TSHZ2: variants seen among roughly 807,000 people sequenced by gnomAD.
TSHZ2 encodes teashirt homolog 2.
TSHZ2 carries 21 observed loss-of-function variants against 74.4 expected under a neutral mutation model. The observed-to-expected ratio is 0.28, with a 90% CI of 0.20 to 0.41. The LOEUF (loss-of-function observed/expected upper bound fraction) is 0.41. TSHZ2 is among the 10% of genes least tolerant of loss of function. The pLI is 1.00. For missense variants in TSHZ2, 1,244 were observed against 1,293.5 expected, an observed-to-expected ratio of 0.96 and a Z score of 0.59; for synonymous variants, 540 against 515.3, an observed-to-expected ratio of 1.05 and a Z score of -0.65.
At chr20:53,110,149 G>T (rs1385107508) in intron 1 of TSHZ2, among the ~76,000 whole-genome samples, 1 of 151,942 alleles carries the variant, frequency 6.6e-6, no homozygotes, top group East Asian at 1.9e-4. Context: ...TCTTAATCAG[G>T]GCATTTCCAA....
At chr20:53,122,410 CA>C (rs1000374029) in intron 1 of TSHZ2, among the ~76,000 whole-genome samples, 1 of 151,760 alleles carries the variant, frequency 6.6e-6, no homozygotes, top group Non-Finnish European at 1.5e-5. Flanking sequence ...TGTTTTAGGA[CA>C]AAAAAACGAA....
intron 2 of TSHZ2, among the ~76,000 whole-genome samples, chr20:53,456,591 G>A (rs1045039092): frequency 3.8e-5 from 5 of 129,962 alleles, no homozygotes; most frequent in African/African-American, 1.6e-4. Context: ...TTTGTCTTTT[G>A]TTGCCTTTGC....
intron 1 of TSHZ2, among the ~76,000 whole-genome samples, chr20:53,077,892 T>G (rs2123220393): frequency 6.6e-6 from 1 of 152,342 alleles, no homozygotes; most frequent in South Asian, 2.1e-4. Flanking sequence ...CTGAAATTTC[T>G]TAACTTTGTG....
rs750289182 is a variant in TSHZ2 at position 53,255,843 on chromosome 20, C to T, written c.2385C>T (p.Ile795=). The change falls in exon 2 of 3, where the codon ATC becomes ATT. Residue 795 remains isoleucine, a synonymous_variant. Coordinates refer to ENST00000371497, the MANE Select transcript of TSHZ2 (RefSeq NM_173485.6). The surrounding 1 kb of genome is among the most constrained non-coding windows in gnomAD (Gnocchi z 4.1). ...SPPQKHALSD[I]ADMVKVLPKA... ...CTCAGAAGCACGCTCTGTCTGACAT[C>T]GCCGACATGGTCAAAGTCCTCCCCA... 2.5e-5 allele frequency: 41 copies of T among 1,611,530 alleles called. No individual in the cohort carries two copies. Among genetic ancestry groups the T allele is most frequent in the Non-Finnish European group, 2.9e-5 (34 of 1,178,496 alleles).
chr20:53,247,399 A>T (rs1990232901), intron 1 of TSHZ2, among the ~76,000 whole-genome samples: 1 of 152,190 alleles, frequency 6.6e-6, no homozygotes, highest in South Asian at 2.1e-4. Flanking sequence ...AACAAAAAGC[A>T]GAGGGATCCC....
intron 1 of TSHZ2, chr20:53,178,826 C>A (rs1988404804): frequency 6.6e-6 from 1 of 152,170 alleles, no homozygotes; most frequent in South Asian, 2.1e-4. Context: ...ATGATAGATG[C>A]AGAATTTGCT....
chr20:53,385,618 G>A (rs184836718), intron 2 of TSHZ2, among the ~76,000 whole-genome samples: 1 of 152,314 alleles, frequency 6.6e-6, no homozygotes, highest in Admixed American at 6.5e-5. Flanking sequence ...TCGCCCTGGA[G>A]ATGTTTTTAA....
chr20:53,339,758 G>A (rs1980104103), intron 2 of TSHZ2, among the ~76,000 whole-genome samples: 1 of 152,144 alleles, frequency 6.6e-6, no homozygotes, highest in Admixed American at 6.5e-5. Context: ...CTGCACTGGA[G>A]CCCAGGAAAG....
chr20:53,209,703 G>A (rs149572930), intron 1 of TSHZ2, among the ~76,000 whole-genome samples: 34 of 152,288 alleles, frequency 2.2e-4, no homozygotes, highest in African/African-American at 8.2e-4. Context: ...TGCTTTGCTT[G>A]GGGAGAAGCT....
chr20:53,428,170 A>G (rs1600631373), intron 2 of TSHZ2, among the ~76,000 whole-genome samples: 1 of 152,244 alleles, frequency 6.6e-6, no homozygotes, highest in Non-Finnish European at 1.5e-5. Flanking sequence ...AGGCTGGCCC[A>G]GGTCATGTGG....
intron 1 of TSHZ2, among the ~76,000 whole-genome samples, chr20:53,019,046 G>A (rs2123026542): frequency 6.6e-6 from 1 of 152,056 alleles, no homozygotes; most frequent in South Asian, 2.1e-4. Context: ...TCTAAACATT[G>A]GGAGAAAAAA....
At chr20:53,054,634 C>T (rs1302530603) in intron 1 of TSHZ2, among the ~76,000 whole-genome samples, 2 of 152,104 alleles carry the variant, frequency 1.3e-5, no homozygotes, top group Non-Finnish European at 2.9e-5. Flanking sequence ...CTTTGCCGCC[C>T]TAGGAGGGGT....
intron 1 of TSHZ2, among the ~76,000 whole-genome samples, chr20:53,003,513 A>G (rs1002656006): frequency 2.0e-5 from 3 of 152,166 alleles, no homozygotes; most frequent in African/African-American, 7.2e-5. Context: ...TGTCAGCCCT[A>G]TGGAGAAATA....
intron 2 of TSHZ2, among the ~76,000 whole-genome samples, chr20:53,284,890 G>A (rs1011933624): frequency 2.0e-5 from 3 of 152,138 alleles, no homozygotes; most frequent in Non-Finnish European, 4.4e-5. Context: ...TTCATCTGGG[G>A]CCCTTACTCT....
chr20:52,975,050 C>G (rs966682844), intron 1 of TSHZ2, among the ~76,000 whole-genome samples: 2 of 152,160 alleles, frequency 1.3e-5, no homozygotes, highest in African/African-American at 2.4e-5. Context: ...TTTCCTAAAA[C>G]TTAGGCTGCT....
chr20:53,362,545 G>A (rs181905559), intron 2 of TSHZ2, among the ~76,000 whole-genome samples: 49 of 152,292 alleles, frequency 3.2e-4, no homozygotes, highest in African/African-American at 1.0e-3. Flanking sequence ...ATTGAGGGAA[G>A]ACTGTACTTC....
chr20:53,332,710 T>C (rs1368373289), intron 2 of TSHZ2, among the ~76,000 whole-genome samples: 1 of 152,186 alleles, frequency 6.6e-6, no homozygotes. Context: ...AATCAGCTTG[T>C]GTACCAACTT....
intron 1 of TSHZ2, among the ~76,000 whole-genome samples, chr20:53,177,598 C>T (rs1293391): frequency 0.51 from 77,717 of 152,066 alleles, 21,144 homozygotes; most frequent in African/African-American, 0.7. Flanking sequence ...CCTTTACCTT[C>T]GGGGCCCCTC....
intron 2 of TSHZ2, among the ~76,000 whole-genome samples, chr20:53,480,003 C>T (rs923354518): frequency 3.3e-5 from 5 of 151,500 alleles, no homozygotes; most frequent in Non-Finnish European, 7.4e-5. Context: ...TTTGGGAGGA[C>T]GAGGCGGGAG....
Sources: gnomAD v4.1 joint callset for allele counts (sites outside exome capture counted in the v4.1 genomes callset) on GRCh38, gnomAD v4.1.1 for gene constraint, Gnocchi (gnomAD v3.1) non-coding constraint, MANE v1.5 for transcripts, NCBI Gene and HGNC (gene_info 2026-07-23, HGNC 2026-07-21) for gene names.